Variants in CNTN5 observed in about 807,000 individuals in gnomAD.
CNTN5 encodes contactin-5.
CNTN5 carries 77 observed loss-of-function variants against 129.1 expected under a neutral mutation model. The observed-to-expected ratio is 0.60, with a 90% confidence interval of 0.50 to 0.72. CNTN5 has a LOEUF of 0.72. Among genes scored for constraint, CNTN5 ranks in the 30% least tolerant of loss-of-function variants. The pLI is 0.00. For missense variants in CNTN5, 1,478 were observed against 1,328.8 expected, an observed-to-expected ratio of 1.11 and a Z score of -1.75; for synonymous variants, 509 against 465.6, an observed-to-expected ratio of 1.09 and a Z score of -1.20.
intron 7 of CNTN5, among the ~76,000 whole-genome samples, chr11:99,946,836 A>G (rs919105149): frequency 5.3e-5 from 8 of 151,990 alleles, no homozygotes; most frequent in African/African-American, 1.9e-4. Flanking sequence ...TTTTACAGCT[A>G]TGCAAATATC....
intron 13 of CNTN5, among the ~76,000 whole-genome samples, chr11:100,183,751 T>C (rs1948211076): frequency 6.6e-6 from 1 of 152,150 alleles, no homozygotes; most frequent in Admixed American, 6.6e-5. Flanking sequence ...GCATACACTT[T>C]AAACATGTGC....
At chr11:100,176,837 A>G (rs1947981297) in intron 13 of CNTN5, among the ~76,000 whole-genome samples, 1 of 132,126 alleles carries the variant, frequency 7.6e-6, no homozygotes, top group South Asian at 3.0e-4. Context: ...ATATGAGTAT[A>G]TTTCATATAG....
intron 6 of CNTN5, among the ~76,000 whole-genome samples, chr11:99,907,901 T>G (rs1272766318): frequency 6.6e-6 from 1 of 152,084 alleles, no homozygotes; most frequent in Non-Finnish European, 1.5e-5. Flanking sequence ...TGCTATTCAT[T>G]GTAATAATGG....
At chr11:99,456,716 C>T (rs748958685) in intron 2 of CNTN5, among the ~76,000 whole-genome samples, 5 of 152,138 alleles carry the variant, frequency 3.3e-5, no homozygotes, top group South Asian at 4.1e-4. Flanking sequence ...TACTGAACAA[C>T]GACAACAACA....
intron 9 of CNTN5, among the ~76,000 whole-genome samples, chr11:100,032,609 T>C (rs1941773550): frequency 6.6e-6 from 1 of 152,094 alleles, no homozygotes. Context: ...AAAACATAAT[T>C]CTTGTATGAC....
chr11:99,299,499 G>T (rs1864530597), intron 1 of CNTN5, among the ~76,000 whole-genome samples: 1 of 152,150 alleles, frequency 6.6e-6, no homozygotes, highest in Non-Finnish European at 1.5e-5. Context: ...TGGTTATCCA[G>T]TCTAAGAAAC....
At chr11:99,460,356 A>G (rs182253999) in intron 2 of CNTN5, among the ~76,000 whole-genome samples, 139 of 151,902 alleles carry the variant, frequency 9.2e-4, no homozygotes, top group African/African-American at 3.1e-3. Context: ...TTGTAGTAGA[A>G]AGCACATTTC....
intron 1 of CNTN5, among the ~76,000 whole-genome samples, chr11:99,181,306 A>G (rs1311578770): frequency 6.6e-6 from 1 of 152,156 alleles, no homozygotes; most frequent in Non-Finnish European, 1.5e-5. Flanking sequence ...GTTCTACTAT[A>G]ATTGTATTGC....
intron 3 of CNTN5, among the ~76,000 whole-genome samples, chr11:99,758,687 G>A (rs1234776549): frequency 6.6e-6 from 1 of 152,012 alleles, no homozygotes; most frequent in African/African-American, 2.4e-5. Flanking sequence ...AAGGTGACAT[G>A]AATTGATTAC....
At chr11:100,026,158 C>G (rs1941409752) in intron 9 of CNTN5, among the ~76,000 whole-genome samples, 1 of 152,042 alleles carries the variant, frequency 6.6e-6, no homozygotes, top group South Asian at 2.1e-4. Context: ...TTCCTTCATG[C>G]CGTTCTCATG....
chr11:99,477,601 T>C (rs1945424603), intron 2 of CNTN5, among the ~76,000 whole-genome samples: 1 of 151,696 alleles, frequency 6.6e-6, no homozygotes, highest in Non-Finnish European at 1.5e-5. Context: ...TAGAAAACTA[T>C]AGTTAGAAGT....
chr11:99,839,243 G>T (rs1947401515), intron 4 of CNTN5, among the ~76,000 whole-genome samples: 1 of 152,082 alleles, frequency 6.6e-6, no homozygotes, highest in Non-Finnish European at 1.5e-5. Context: ...ACAAATATCA[G>T]TTTACCTAAT....
At chr11:100,049,173 T>C (rs563111812) in intron 9 of CNTN5, among the ~76,000 whole-genome samples, 5 of 152,278 alleles carry the variant, frequency 3.3e-5, no homozygotes, top group Admixed American at 3.3e-4. Context: ...GTATATTTGC[T>C]GTTTTTAATT....
chr11:99,938,188 A>G (rs1246874518), intron 7 of CNTN5, among the ~76,000 whole-genome samples: 1 of 152,188 alleles, frequency 6.6e-6, no homozygotes, highest in South Asian at 2.1e-4. Flanking sequence ...TCATAGGACA[A>G]GTGACTCCCT....
At chr11:99,616,832 C>T (rs116506049) in intron 3 of CNTN5, among the ~76,000 whole-genome samples, 10 of 152,158 alleles carry the variant, frequency 6.6e-5, no homozygotes, top group African/African-American at 2.4e-4. Context: ...CAATTATGGC[C>T]TGGTGCAGTG....
chr11:100,139,192 G>A (rs1451068132), intron 13 of CNTN5, among the ~76,000 whole-genome samples: 1 of 152,116 alleles, frequency 6.6e-6, no homozygotes, highest in Non-Finnish European at 1.5e-5. Flanking sequence ...TGTAGTCACA[G>A]GGCAGAGATA....
At chr11:99,201,558 G>A (rs986249373) in intron 1 of CNTN5, among the ~76,000 whole-genome samples, 8 of 152,136 alleles carry the variant, frequency 5.3e-5, no homozygotes, top group Admixed American at 1.3e-4. Flanking sequence ...AAGATTGAAG[G>A]TTGTGGATGG....
intron 2 of CNTN5, among the ~76,000 whole-genome samples, chr11:99,503,614 G>A (rs1249027092): frequency 6.6e-6 from 1 of 152,022 alleles, no homozygotes; most frequent in Non-Finnish European, 1.5e-5. Flanking sequence ...CACCTTTGTT[G>A]GACTGCAAAG....
chr11:99,106,091 G>A (rs1469984735), intron 1 of CNTN5, among the ~76,000 whole-genome samples: 1 of 151,988 alleles, frequency 6.6e-6, no homozygotes, highest in African/African-American at 2.4e-5. Flanking sequence ...GTCTGAAAGA[G>A]GAAAACATTT....
Sources: gnomAD v4.1 joint callset for allele counts (sites outside exome capture counted in the v4.1 genomes callset) on GRCh38, gnomAD v4.1.1 for gene constraint, MANE v1.5 for transcripts, NCBI Gene and HGNC (gene_info 2026-07-23, HGNC 2026-07-21) for gene names.